The following DTNA variants were observed in gnomAD, a reference collection of about 807,000 sequenced individuals.
DTNA encodes dystrophin-related protein 3.
In DTNA, 43 loss-of-function variants were observed where a neutral mutation model predicts 100.7. The ratio of observed to expected loss-of-function variants is 0.43; its 90% CI spans 0.33 to 0.55. The LOEUF is 0.55. Among genes scored for constraint, DTNA ranks in the 20% least tolerant of loss-of-function variants. The pLI, the probability that DTNA is intolerant of heterozygous loss-of-function variation, is 0.04. For synonymous variants in DTNA, 349 were observed against 347.9 expected (o/e 1.00, Z -0.04); for missense variants, 798 against 953.9 (o/e 0.84, Z 2.15).
chr18:34,757,354 T>C (rs1267474633), intron 2 of DTNA: 2 of 152,104 alleles, frequency 1.3e-5, no homozygotes, highest in Non-Finnish European at 2.9e-5. Flanking sequence ...CACATTCTTA[T>C]ATTAAAAAGG....
At chr18:34,870,032 AAG>A (rs1491565888) in intron 17 of DTNA, among the ~76,000 whole-genome samples, 44 of 152,380 alleles carry the variant, frequency 2.9e-4, no homozygotes, top group African/African-American at 1.1e-3. Flanking sequence ...TCTCAAAAAA[AAG>A]GGGGTAAAAT....
At chr18:34,738,810 G>A (rs950513489) in intron 1 of DTNA, among the ~76,000 whole-genome samples, 3 of 152,168 alleles carry the variant, frequency 2.0e-5, no homozygotes, top group Non-Finnish European at 4.4e-5. Flanking sequence ...ATTAATGAAG[G>A]ATTAGTGCAG....
At chr18:34,554,381 A>G (rs186547214) in intron 1 of DTNA, among the ~76,000 whole-genome samples, 8 of 147,232 alleles carry the variant, frequency 5.4e-5, no homozygotes, top group African/African-American at 7.7e-5. Flanking sequence ...TCTCCTGCCT[A>G]ATTGCCCTGG....
chr18:34,789,774 A>C (rs994869766), intron 3 of DTNA, among the ~76,000 whole-genome samples: 4 of 152,156 alleles, frequency 2.6e-5, no homozygotes, highest in Non-Finnish European at 5.9e-5. Flanking sequence ...AGGACCTTCA[A>C]TATGTAAGCA....
At chr18:34,495,958 AT>A (rs138576034) in intron 1 of DTNA, among the ~76,000 whole-genome samples, 15,458 of 152,068 alleles carry the variant, frequency 0.1, 958 homozygotes, top group Non-Finnish European at 0.14. Context: ...TTCATCTGTT[AT>A]TTTTTTCAAG....
chr18:34,883,540 T>C (rs2096894057), intron 21 of DTNA, among the ~76,000 whole-genome samples: 1 of 151,986 alleles, frequency 6.6e-6, no homozygotes, highest in Non-Finnish European at 1.5e-5. Flanking sequence ...GAACTCCTGG[T>C]CTCAAGTGAT....
chr18:34,583,663 G>A (rs937561667), intron 1 of DTNA, among the ~76,000 whole-genome samples: 1 of 151,760 alleles, frequency 6.6e-6, no homozygotes, highest in Non-Finnish European at 1.5e-5. Context: ...AAACCCAGGT[G>A]TCTGCAGAGG....
chr18:34,831,241 C>T (rs757143233), intron 11 of DTNA, among the ~76,000 whole-genome samples: 7 of 152,284 alleles, frequency 4.6e-5, no homozygotes, highest in Middle Eastern at 6.8e-3. Context: ...ACTTCTTTTA[C>T]CTCCAATTTT....
chr18:34,756,582 G>GT (rs1272560657), intron 2 of DTNA, among the ~76,000 whole-genome samples: 2 of 152,066 alleles, frequency 1.3e-5, no homozygotes, highest in Non-Finnish European at 2.9e-5. Context: ...CTGCAAACTG[G>GT]TTTTTTTAAA....
chr18:34,817,981 G>T, intron 7 of DTNA, 183 bp from the exon 8 acceptor site: 1 of 1,493,568 alleles, frequency 6.7e-7, no homozygotes, highest in Non-Finnish European at 8.9e-7. Flanking sequence ...TTTCCCCACA[G>T]GCATGATTGA....
intron 17 of DTNA, 61 bp downstream of exon 17, chr18:34,864,123 G>C: frequency 6.7e-7 from 1 of 1,486,384 alleles, no homozygotes; most frequent in Non-Finnish European, 9.1e-7. Context: ...GAAAATTTTT[G>C]CACATAATGT....
At chr18:34,843,534 TTGCAGATGGACACCTTCCTGC>T (rs1440340132) in intron 13 of DTNA, among the ~76,000 whole-genome samples, 8 of 152,146 alleles carry the variant, frequency 5.3e-5, no homozygotes, top group Admixed American at 4.6e-4. Context: ...TGTCCTTGAC[TTGCAGATGGACACCTTCCTGC>T]TGTGTCCGCA....
Position 34,776,868 on chromosome 18 carries a change from A to G in DTNA, c.148+10827A>G, listed in dbSNP as rs191701688. Among the ~76,000 whole-genome samples, 978 of 152,100 alleles carry G rather than the reference A, an allele frequency of 6.4e-3. 5 individuals carry two copies. Among genetic ancestry groups the G allele is most frequent in the African/African-American group, 0.023 (938 of 41,486 alleles). Reference sequence around the variant, plus strand: ...ATCTGGTTACTCTGTTCCATCCACCATTGGCCTCCTTACTTCACTGGGAAC... The same window carrying G: ...ATCTGGTTACTCTGTTCCATCCACCGTTGGCCTCCTTACTTCACTGGGAAC... On this transcript the variant is annotated intron_variant, in intron 3 of 22. Coordinates refer to ENST00000444659, the MANE Select transcript of DTNA (RefSeq NM_001386795.1).
intron 1 of DTNA, among the ~76,000 whole-genome samples, chr18:34,704,170 C>T (rs985983781): frequency 6.6e-6 from 1 of 152,196 alleles, no homozygotes; most frequent in Middle Eastern, 3.2e-3. Flanking sequence ...ATCCCATTAT[C>T]TATGATGCAT....
At chr18:34,807,867 T>TTTTAA (rs1568592332) in intron 5 of DTNA, among the ~76,000 whole-genome samples, 1 of 139,120 alleles carries the variant, frequency 7.2e-6, no homozygotes, top group Non-Finnish European at 1.5e-5. Flanking sequence ...TTTTTTTTTT[T>TTTTAA]CAAAAAAAAA....
intron 1 of DTNA, among the ~76,000 whole-genome samples, chr18:34,656,605 T>C (rs2074408037): frequency 6.6e-6 from 1 of 152,244 alleles, no homozygotes; most frequent in Non-Finnish European, 1.5e-5. Context: ...ATTTCACAGA[T>C]GTCACAAGTT....
chr18:34,709,206 G>T (rs1420696217), upstream of DTNA: 1 of 152,188 alleles, frequency 6.6e-6, no homozygotes, highest in African/African-American at 2.4e-5. Context: ...TGGTTACTTG[G>T]TAGAGAAAGA....
chr18:34,595,440 C>G lies in DTNA; in HGVS notation c.-2+101926C>G, dbSNP rs939122626. On this transcript the variant is annotated intron_variant, in intron 1 of 19. Coordinates refer to the DTNA transcript ENST00000283365. ...AAATTCTAAAATGAAGAATGTTAAACTATGTGGCCAAATAGTGTTGACAGA... is the reference window on the plus strand; with the variant it reads ...AAATTCTAAAATGAAGAATGTTAAAGTATGTGGCCAAATAGTGTTGACAGA... Among the ~76,000 whole-genome samples, 7 of 151,732 alleles carry G rather than the reference C, an allele frequency of 4.6e-5. 1 individual carries two copies. In the South Asian group the frequency reaches 1.5e-3, roughly 31 times the overall value.
At position 34,651,258 on chromosome 18, in the gene DTNA, A is replaced by G. The variant is rs78268318; in HGVS notation, c.-1-104718A>G. On this transcript the variant is annotated intron_variant, in intron 1 of 19. Transcript: ENST00000283365. Reference sequence around the variant, plus strand: ...TTGTTAATGTATAATTGCATTTATGATATCATTTACTTATTAGCAATACCT... The same window carrying G: ...TTGTTAATGTATAATTGCATTTATGGTATCATTTACTTATTAGCAATACCT... Among the ~76,000 whole-genome samples the G allele has an allele frequency of 5.5e-3, 841 of 152,304 alleles. 8 individuals are homozygous for G. Among genetic ancestry groups the G allele is most frequent in the African/African-American group, 0.019 (786 of 41,560 alleles).
Sources: allele counts gnomAD v4.1 joint callset (sites outside exome capture counted in the v4.1 genomes callset), GRCh38; gene constraint gnomAD v4.1.1; transcripts MANE v1.5; gene names NCBI Gene and HGNC (gene_info 2026-07-23, HGNC 2026-07-21).